Variants in CEP162 observed in about 807,000 individuals in gnomAD.
The protein encoded by CEP162 is centrosomal protein of 162 kDa.
Under a neutral mutation model 169.2 loss-of-function variants are expected in CEP162, and 141 were observed. The ratio of observed to expected loss-of-function variants is 0.83; its 90% CI spans 0.73 to 0.96. The LOEUF (loss-of-function observed/expected upper bound fraction) is 0.96. Ranked by LOEUF, CEP162 falls within the 40% of genes least tolerant of loss-of-function variation. The pLI is 0.00. For missense variants in CEP162, 1,600 were observed against 1,587.2 expected (o/e 1.01, Z -0.14); for synonymous variants, 540 against 526.4 (o/e 1.03, Z -0.35).
chr6:84,137,871 G>A (rs988397431), intron 25 of CEP162, among the ~76,000 whole-genome samples: 1 of 152,100 alleles, frequency 6.6e-6, no homozygotes, highest in African/African-American at 2.4e-5. Flanking sequence ...TAGCATCAAC[G>A]GAAGAGGTGC....
At chr6:84,135,492 CTTG>C (rs1304684355) in intron 25 of CEP162, among the ~76,000 whole-genome samples, 1 of 150,700 alleles carries the variant, frequency 6.6e-6, no homozygotes, top group East Asian at 1.9e-4. Context: ...TGTTCTCTTA[CTTG>C]TTGGTGAGTA....
At chr6:84,191,351 G>C (rs2099539800) in intron 11 of CEP162, among the ~76,000 whole-genome samples, 1 of 152,118 alleles carries the variant, frequency 6.6e-6, no homozygotes, top group African/African-American at 2.4e-5. Context: ...GGGCTATATA[G>C]AATAACTGAT....
chr6:84,153,403 A>G (rs2099521887), intron 22 of CEP162, among the ~76,000 whole-genome samples: 1 of 152,154 alleles, frequency 6.6e-6, no homozygotes, highest in African/African-American at 2.4e-5. Context: ...TTAATAATTG[A>G]TATGTTGCTT....
chr6:84,216,076 A>G, intron 3 of CEP162, 154 bp from the exon 4 acceptor site: 1 of 871,428 alleles, frequency 1.1e-6, no homozygotes, highest in Non-Finnish European at 1.6e-6. Context: ...CCTAACACTC[A>G]CAAAAGAAAG....
intron 11 of CEP162, among the ~76,000 whole-genome samples, chr6:84,192,753 A>G (rs960554766): frequency 6.6e-6 from 1 of 152,358 alleles, no homozygotes. Context: ...GGTTAAGCAC[A>G]TGGATGGCCT....
At position 84,126,366 on chromosome 6, in the gene CEP162, G is replaced by A. The variant is rs1304272049; in HGVS notation, c.4005+12C>T. Reference sequence around the variant, plus strand: ...AAGACCTATATAAATATGTAAATGTGATTTACTTTACCTGTTGAAGTTCCT... The same window carrying A: ...AAGACCTATATAAATATGTAAATGTAATTTACTTTACCTGTTGAAGTTCCT... On this transcript the variant is annotated intron_variant, in intron 26 of 26. Transcript: ENST00000403245. The A allele has an allele frequency of 6.4e-7, 1 of 1,563,822 alleles. No individual in the cohort carries two copies. The highest frequency in any genetic ancestry group is 8.6e-7 in the Non-Finnish European group (1 of 1,158,438).
chr6:84,140,502 G>A (rs535172533), intron 25 of CEP162, among the ~76,000 whole-genome samples: 88 of 152,126 alleles, frequency 5.8e-4, no homozygotes, highest in Non-Finnish European at 1.1e-3. Flanking sequence ...GGCAACCATG[G>A]TTAAGCTACA....
At chr6:84,199,476 T>C (rs2099543546) in intron 9 of CEP162, among the ~76,000 whole-genome samples, 3 of 151,876 alleles carry the variant, frequency 2.0e-5, no homozygotes, top group African/African-American at 7.3e-5. Context: ...GTGCTCAGTA[T>C]TTCAAAATTC....
chr6:84,218,559 T>G (rs2099552458), intron 3 of CEP162, among the ~76,000 whole-genome samples: 1 of 152,242 alleles, frequency 6.6e-6, no homozygotes, highest in East Asian at 1.9e-4. Context: ...AATATTCTTT[T>G]GTTCTTTGTT....
intron 10 of CEP162, among the ~76,000 whole-genome samples, chr6:84,194,392 G>A (rs558860080): frequency 5.0e-5 from 7 of 139,470 alleles, no homozygotes; most frequent in Admixed American, 4.8e-4. Flanking sequence ...GTGAAATTTC[G>A]TTTTGTGTTT....
In CEP162 at chr6:84,134,864, A is replaced by C. The variant is rs1032664688; in HGVS notation, c.3871-8352T>G. Among the ~76,000 whole-genome samples the C allele has an allele frequency of 2.6e-5, 4 of 151,672 alleles. No homozygotes were observed. The East Asian group carries it at 7.8e-4, about 29-fold the overall frequency. ...TTATATTATAATGCCTCTATTTTGA[A>C]ATGGTATAATAGAAGTGCCAATAAA... On this transcript the variant is annotated intron_variant, in intron 25 of 26. Coordinates refer to ENST00000403245, the MANE Select transcript of CEP162 (RefSeq NM_014895.4).
At chr6:84,131,407 C>T (rs907511873) in intron 25 of CEP162, among the ~76,000 whole-genome samples, 1 of 152,072 alleles carries the variant, frequency 6.6e-6, no homozygotes, top group Non-Finnish European at 1.5e-5. Flanking sequence ...TCCTTGTTAA[C>T]TTTCTGTCTC....
intron 5 of CEP162, among the ~76,000 whole-genome samples, chr6:84,213,806 C>T (rs903787149): frequency 3.9e-5 from 6 of 152,084 alleles, no homozygotes; most frequent in Non-Finnish European, 7.4e-5. Flanking sequence ...CCCACAAACC[C>T]GCGCATGCTT....
intron 9 of CEP162, among the ~76,000 whole-genome samples, chr6:84,197,551 G>A (rs550753767): frequency 2.6e-5 from 4 of 152,048 alleles, no homozygotes; most frequent in Non-Finnish European, 2.9e-5. Context: ...AGTGGCTCAC[G>A]CCTGTAATCC....
chr6:84,214,660 T>C (rs1425702671), intron 5 of CEP162, among the ~76,000 whole-genome samples: 3 of 152,316 alleles, frequency 2.0e-5, no homozygotes, highest in Non-Finnish European at 4.4e-5. Context: ...TAATTATACC[T>C]TTGTGATCTC....
intron 11 of CEP162, 38 bp downstream of exon 11, chr6:84,193,571 A>T (rs2127723372): frequency 1.6e-6 from 2 of 1,274,910 alleles, no homozygotes; most frequent in South Asian, 2.6e-5. Context: ...TGACTATAAA[A>T]GTTTCCAATG....
chr6:84,180,601 G>A (rs528893550), intron 13 of CEP162, among the ~76,000 whole-genome samples: 2 of 145,914 alleles, frequency 1.4e-5, no homozygotes, highest in Non-Finnish European at 3.1e-5. Context: ...ATACCCCATT[G>A]TCTCAGCCCA....
chr6:84,136,412 A>AGT lies in CEP162; in HGVS notation c.3871-9901_3871-9900insAC, dbSNP rs2099514091. On this transcript the variant is annotated intron_variant, in intron 25 of 26. Coordinates refer to ENST00000403245, the MANE Select transcript of CEP162 (RefSeq NM_014895.4). ...GTGATGAGACAGAGAGGGAATGAGA[A>AGT]CCACTGAACTTATTCTTCTATCATG... 3.3e-5 allele frequency among the ~76,000 whole-genome samples: 5 copies of AGT among 152,296 alleles called. No homozygotes were observed. In the South Asian group the frequency reaches 1.0e-3, roughly 32 times the overall value.
intron 24 of CEP162, 99 bp from the exon 25 acceptor site, chr6:84,146,884 C>A: frequency 3.8e-6 from 2 of 521,444 alleles, no homozygotes; most frequent in South Asian, 3.9e-5. Flanking sequence ...CTCTTATATA[C>A]TGTTGGTGGG....
Sources: allele counts gnomAD v4.1 joint callset (sites outside exome capture counted in the v4.1 genomes callset), GRCh38; gene constraint gnomAD v4.1.1; transcripts MANE v1.5; gene names NCBI Gene and HGNC (gene_info 2026-07-23, HGNC 2026-07-21).